INCENP: variants seen among roughly 807,000 people sequenced by gnomAD.
INCENP encodes inner centromere protein.
A neutral mutation model predicts 107.3 loss-of-function variants in INCENP; 43 were observed. The observed-to-expected ratio is 0.40, with a 90% CI of 0.31 to 0.52. INCENP has a LOEUF of 0.52. Ranked by LOEUF, INCENP falls within the 20% of genes least tolerant of loss-of-function variation. The pLI is 0.53. For synonymous variants in INCENP, 488 were observed against 494.4 expected (o/e 0.99, Z 0.17); for missense variants, 1,089 against 1,250.9 (o/e 0.87, Z 1.95).
Position 62,129,870 on chromosome 11 carries a change from G to A in INCENP, c.343G>A (p.Gly115Arg), listed in dbSNP as rs766606953. The A allele has an allele frequency of 4.3e-6, 7 of 1,613,382 alleles. No homozygotes were observed. Among genetic ancestry groups the A allele is most frequent in the African/African-American group, 1.3e-5 (1 of 75,012 alleles). ...TGTAGAGAAGCTGGCTACAGTGGTCGGGGAGAACGGCTCCGTCCTGCGGCG... is the reference window on the plus strand; with the variant it reads ...TGTAGAGAAGCTGGCTACAGTGGTCAGGGAGAACGGCTCCGTCCTGCGGCG... ...DSVEKLATVVGENGSVLRRVT... is the reference protein window; with the variant it reads ...DSVEKLATVVRENGSVLRRVT... The change falls in exon 4 of 19, where the codon GGG becomes AGG. Residue 115 changes from glycine to arginine, a missense_variant. By Grantham distance (125) the Gly-to-Arg change is moderately radical. Coordinates refer to ENST00000394818, the MANE Select transcript of INCENP (RefSeq NM_001040694.2).
In INCENP at chr11:62,129,895, G is replaced by A. The variant is rs768258892; in HGVS notation, c.368G>A (p.Arg123His). 1.9e-5 allele frequency: 30 copies of A among 1,613,464 alleles called. No individual in the cohort carries two copies. The highest frequency in any genetic ancestry group is 8.3e-5 in the Admixed American group (5 of 60,002). The change falls in exon 4 of 19, where the codon CGT becomes CAT. Residue 123 changes from arginine (R) to histidine (H), a missense_variant. Physicochemically the swap from Arg to His is conservative, Grantham distance 29. Coordinates refer to ENST00000394818, the MANE Select transcript of INCENP (RefSeq NM_001040694.2). ...GGGGAGAACGGCTCCGTCCTGCGGC[G>A]TGTGACCCGTGCTGCGGCTGCAGCT... is the stretch of plus-strand genomic sequence containing the variant. ...VVGENGSVLR[R>H]VTRAAAAAAA...
intron 11 of INCENP, 140 bp downstream of exon 11, chr11:62,141,651 G>C: frequency 8.6e-7 from 1 of 1,168,688 alleles, no homozygotes; most frequent in Non-Finnish European, 1.3e-6. Context: ...AGAGTGGGAC[G>C]GTGAGGGGTG....
rs1944283801 is a variant in INCENP, at chr11:62,147,729, G to GGGGGCTGCACTGAGTC, written c.2205-746_2205-731dup. On this transcript the variant is annotated intron_variant, in intron 15 of 18. Coordinates refer to ENST00000394818, the MANE Select transcript of INCENP (RefSeq NM_001040694.2). ...TCAGATAAGTGAAGAGTCACAGCCA[G>GGGGGCTGCACTGAGTC]GGGGCTGCACTGAGTCAGGGCTGCT... Among the ~76,000 whole-genome samples the GGGGGCTGCACTGAGTC allele has an allele frequency of 2.6e-5, 4 of 152,300 alleles. No homozygotes were observed. In the South Asian group the frequency reaches 6.2e-4, roughly 24 times the overall value.
chr11:62,129,112 GT>G (rs1302184627), intron 3 of INCENP, among the ~76,000 whole-genome samples: 7 of 152,332 alleles, frequency 4.6e-5, no homozygotes, highest in Non-Finnish European at 8.8e-5. Context: ...TGTGTTGGGG[GT>G]GGGTGTGTTT....
In INCENP at chr11:62,130,424, C is replaced by T; in HGVS notation, c.897C>T (p.Asp299=). ...NFSTPTGSRT[D]SQSVRHSPIA... is the part of the protein sequence containing the mutation. ...CCACGCCCACGGGCTCTCGCACGGA[C>T]TCTCAATCGGTGCGGCACAGCCCGA... Residue 299 remains aspartate, a synonymous_variant, in exon 4 of 19, where the codon GAC becomes GAT. Transcript: ENST00000394818. 6 of 1,613,918 alleles carry T rather than the reference C, an allele frequency of 3.7e-6. No individual in the cohort carries two copies. The highest frequency in any genetic ancestry group is 5.1e-6 in the Non-Finnish European group (6 of 1,180,050).
chr11:62,138,912 T>C lies in INCENP; in HGVS notation c.1198T>C (p.Ser400Pro). 6.2e-7 allele frequency: 1 copy of C among 1,613,862 alleles called. No individual in the cohort carries two copies. ...PEVPENNGNNSWPHNDTEIAN... is the reference protein window; with the variant it reads ...PEVPENNGNNPWPHNDTEIAN... Reference sequence around the variant, plus strand: ...GGTCCCTGAGAACAATGGAAATAACTCGTGGCCCCACAATGACACGGAGAT... The same window carrying C: ...GGTCCCTGAGAACAATGGAAATAACCCGTGGCCCCACAATGACACGGAGAT... Residue 400 changes from serine to proline, a missense_variant, in exon 7 of 19, where the codon TCG becomes CCG. Coordinates refer to ENST00000394818, the MANE Select transcript of INCENP (RefSeq NM_001040694.2).
At chr11:62,149,718 C>G (rs755328098) in intron 17 of INCENP, among the ~76,000 whole-genome samples, 3 of 151,972 alleles carry the variant, frequency 2.0e-5, no homozygotes, top group African/African-American at 7.2e-5. Flanking sequence ...GTCAGGAGTT[C>G]GAGACCAGCC....
At chr11:62,128,048 T>G (rs1590602721) in intron 1 of INCENP, 103 bp from the exon 2 acceptor site, 2 of 1,142,264 alleles carry the variant, frequency 1.8e-6, no homozygotes, top group Non-Finnish European at 2.6e-6. Context: ...GGGCACTGGG[T>G]GTTTGTGGTG....
chr11:62,126,753 A>C (rs1433825609), intron 1 of INCENP, among the ~76,000 whole-genome samples: 1 of 152,234 alleles, frequency 6.6e-6, no homozygotes. Context: ...AAAATGACAT[A>C]GTATTTGCAT....
rs764020996 is a variant in INCENP at position 62,130,125 on chromosome 11, CCAGCTT to C, written c.603_608del (p.Ser202_Ala203del). ...TCTGCCCCGCACTCTGTCCCCGACT[CCAGCTT>C]CAGCCACAGCTCCAACCTCCCAGGG... On this transcript the variant is annotated inframe_deletion, in exon 4 of 19. Coordinates refer to ENST00000394818, the MANE Select transcript of INCENP (RefSeq NM_001040694.2). The C allele has an allele frequency of 6.2e-7, 1 of 1,613,758 alleles. No individual in the cohort carries two copies. The highest frequency in any genetic ancestry group is 8.5e-7 in the Non-Finnish European group (1 of 1,180,018).
intron 4 of INCENP, among the ~76,000 whole-genome samples, chr11:62,136,637 C>A (rs566052293): frequency 6.6e-6 from 1 of 152,078 alleles, no homozygotes; most frequent in Admixed American, 6.5e-5. Context: ...GCTGAGATTG[C>A]GCCACTGCAT....
intron 18 of INCENP, among the ~76,000 whole-genome samples, chr11:62,150,832 G>A (rs562273807): frequency 1.8e-4 from 28 of 152,316 alleles, no homozygotes; most frequent in Non-Finnish European, 2.5e-4. Context: ...GATGGGGCCC[G>A]TGGGTACCAT....
chr11:62,136,915 T>C (rs1342128209), intron 4 of INCENP, among the ~76,000 whole-genome samples: 2 of 152,190 alleles, frequency 1.3e-5, no homozygotes, highest in Non-Finnish European at 2.9e-5. Context: ...GTATCATGAT[T>C]AGTTACGACC....
intron 4 of INCENP, among the ~76,000 whole-genome samples, chr11:62,132,807 G>C (rs554333237): frequency 6.6e-6 from 1 of 152,180 alleles, no homozygotes; most frequent in South Asian, 2.1e-4. Context: ...CTCCTCTTGA[G>C]GGGGTGGAGG....
rs542520470 is a variant in INCENP, at chr11:62,146,808, G to A, written c.2110G>A (p.Glu704Lys). Residue 704 changes from glutamate (E) to lysine (K), a missense_variant, in exon 15 of 19, where the codon GAG becomes AAG. Physicochemically the swap from Glu to Lys is moderately conservative, Grantham distance 56 (BLOSUM62 1). Transcript: ENST00000394818. ...EQERREQERR[E>K]QERREQERRE... Reference sequence around the variant, plus strand: ...GGAGCGGCGCGAGCAGGAGCGGCGCGAGCAGGAGCGGCGGGAGCAGGAGCG... The same window carrying A: ...GGAGCGGCGCGAGCAGGAGCGGCGCAAGCAGGAGCGGCGGGAGCAGGAGCG... The A allele has an allele frequency of 3.5e-5, 53 of 1,536,012 alleles. No individual in the cohort carries two copies. In the African/African-American group the frequency reaches 5.1e-4, roughly 15 times the overall value.
intron 4 of INCENP, among the ~76,000 whole-genome samples, chr11:62,133,518 T>C (rs1414812142): frequency 2.0e-5 from 3 of 152,162 alleles, no homozygotes; most frequent in Non-Finnish European, 4.4e-5. Flanking sequence ...CTTGGGGCGT[T>C]CGAGCCACCT....
At chr11:62,137,697 G>A in intron 4 of INCENP, 135 bp from the exon 5 acceptor site, 1 of 770,096 alleles carries the variant, frequency 1.3e-6, no homozygotes, top group Non-Finnish European at 2.3e-6. Context: ...GAGGGTCCTG[G>A]GCATGGTGGG....
At chr11:62,132,378 C>G (rs1219782797) in intron 4 of INCENP, among the ~76,000 whole-genome samples, 1 of 152,180 alleles carries the variant, frequency 6.6e-6, no homozygotes, top group African/African-American at 2.4e-5. Flanking sequence ...GGGAGGGCAC[C>G]TCACCTTGGC....
At chr11:62,138,435 C>A (rs1008968543) in intron 5 of INCENP, among the ~76,000 whole-genome samples, 1 of 152,220 alleles carries the variant, frequency 6.6e-6, no homozygotes, top group Admixed American at 6.5e-5. Context: ...GAGGTGGAGG[C>A]GGAGCTGAGG....
Sources: allele counts gnomAD v4.1 joint callset (sites outside exome capture counted in the v4.1 genomes callset), GRCh38; gene constraint gnomAD v4.1.1; transcripts MANE v1.5; gene names NCBI Gene and HGNC (gene_info 2026-07-23, HGNC 2026-07-21).